ANXA2: variants seen among roughly 807,000 people sequenced by gnomAD.
ANXA2 encodes annexin II.
ANXA2 carries 28 observed loss-of-function variants against 47.3 expected under a neutral mutation model. That is an observed-to-expected ratio of 0.59 (90% CI 0.44 to 0.81). The LOEUF (loss-of-function observed/expected upper bound fraction) is 0.81. Among genes scored for constraint, ANXA2 ranks in the 40% least tolerant of loss-of-function variants. The pLI, the probability that ANXA2 is intolerant of heterozygous loss-of-function variation, is 0.00. For synonymous variants in ANXA2, 172 were observed against 155.5 expected, an observed-to-expected ratio of 1.11 and a Z score of -0.79; for missense variants, 384 against 414.3, an observed-to-expected ratio of 0.93 and a Z score of 0.64.
At chr15:60,379,051 C>T (rs748953474) in intron 3 of ANXA2, among the ~76,000 whole-genome samples, 12 of 151,010 alleles carry the variant, frequency 7.9e-5, no homozygotes, top group South Asian at 2.1e-4. Context: ...GAGGCCAAAG[C>T]GGGTGGATCA....
chr15:60,357,184 T>A lies in ANXA2; in HGVS notation c.410A>T (p.Asn137Ile), dbSNP rs138420486. 1.9e-6 allele frequency: 3 copies of A among 1,614,206 alleles called. No individual in the cohort carries two copies. Among genetic ancestry groups the A allele is most frequent in the African/African-American group, 2.7e-5 (2 of 75,060 alleles). The stretch of plus-strand genomic sequence containing the variant: ...TCTGTTAATTTCCTGCAGCTCCTGG[T>A]TGGTTCTGGAGCAGATGATCTCAAT... The part of the protein sequence containing the change: ...SLIEIICSRT[N>I]QELQEINRVY... Residue 137 changes from asparagine (N) to isoleucine (I), a missense_variant, in exon 6 of 13, where the codon AAC (asparagine) becomes ATC (isoleucine). Asn to Ile is a moderately radical substitution (Grantham distance 149). Coordinates refer to ENST00000451270, the MANE Select transcript of ANXA2 (RefSeq NM_004039.3).
At chr15:60,397,891 C>A (rs1304364472) in intron 1 of ANXA2, 52 bp downstream of exon 1, 1 of 1,358,736 alleles carries the variant, frequency 7.4e-7, no homozygotes. Context: ...AGCGTCTCCA[C>A]ACCCCGCTAG....
chr15:60,348,640 G>GA (rs1895839279), intron 12 of ANXA2, among the ~76,000 whole-genome samples: 1 of 151,444 alleles, frequency 6.6e-6, no homozygotes, highest in African/African-American at 2.4e-5. Context: ...AGCTACTTGG[G>GA]AGGCTGAGGC....
chr15:60,382,266 T>C lies in ANXA2; in HGVS notation c.148+76A>G, dbSNP rs2062871968. On this transcript the variant is annotated intron_variant, in intron 3 of 12. Transcript: ENST00000451270. Reference sequence around the variant, plus strand: ...ATTTCAAATCGCCAACGTATGGCGATTTGAGGGAGAATAAAGAGACAACCA... The same window carrying C: ...ATTTCAAATCGCCAACGTATGGCGACTTGAGGGAGAATAAAGAGACAACCA... 12 of 1,146,914 alleles carry C rather than the reference T, an allele frequency of 1.0e-5. No individual in the cohort carries two copies. The East Asian group carries it at 2.8e-4, about 27-fold the overall frequency. The allele number at this position is 1,146,914 out of a possible 1,614,324, so 71.0% of individuals were successfully genotyped here. A position where few individuals can be genotyped will look rare whatever the true frequency, so the allele number is the denominator to read the frequency against.
intron 1 of ANXA2, chr15:60,396,113 A>T (rs2063076923): frequency 6.6e-6 from 1 of 152,054 alleles, no homozygotes; most frequent in Admixed American, 6.6e-5. Context: ...ATTATTATGT[A>T]TTTATTTTTT....
At chr15:60,375,567 TTAAG>T (rs2062765095) in intron 3 of ANXA2, among the ~76,000 whole-genome samples, 1 of 152,244 alleles carries the variant, frequency 6.6e-6, no homozygotes, top group African/African-American at 2.4e-5. Flanking sequence ...CTCCTACAGA[TTAAG>T]TCTCAGCAAC....
At chr15:60,393,750 G>A (rs954034959) in intron 1 of ANXA2, 5 of 914,332 alleles carry the variant, frequency 5.5e-6, no homozygotes, top group Non-Finnish European at 6.5e-6. Context: ...CAACATTAGA[G>A]TTACATGTGT....
intron 4 of ANXA2, among the ~76,000 whole-genome samples, chr15:60,362,318 CTTCTA>C (rs2062526942): frequency 6.6e-6 from 1 of 152,220 alleles, no homozygotes; most frequent in African/African-American, 2.4e-5. Context: ...ACTTCTTCCA[CTTCTA>C]TTCTAAACTC....
intron 3 of ANXA2, among the ~76,000 whole-genome samples, chr15:60,376,345 A>C (rs933100884): frequency 6.6e-6 from 1 of 151,446 alleles, no homozygotes. Context: ...TGTGCATTGC[A>C]CTCCAGCCTG....
intron 1 of ANXA2, among the ~76,000 whole-genome samples, chr15:60,391,897 GAAAAAAA>G (rs10552250): frequency 2.0e-5 from 3 of 148,204 alleles, no homozygotes; most frequent in African/African-American, 7.5e-5. Flanking sequence ...TCTCCAACAA[GAAAAAAA>G]AAAAAAAATC....
intron 1 of ANXA2, chr15:60,392,942 TAAAAAAAAA>T: frequency 3.2e-6 from 3 of 926,674 alleles, no homozygotes; most frequent in Non-Finnish European, 2.7e-6. Context: ...AATTTTAAAC[TAAAAAAAAA>T]AAAAAAAAAA....
rs549842181 is a variant in ANXA2 at position 60,377,998 on chromosome 15, G to A, written c.148+4344C>T. On this transcript the variant is annotated intron_variant, in intron 3 of 12. Transcript: ENST00000451270. ...AGCTACTCAAGAGGCTGAAACAGGA[G>A]AATTGCTTGAACCCAGGAGGGTTCT... Among the ~76,000 whole-genome samples, 8 of 152,240 alleles carry A rather than the reference G, an allele frequency of 5.3e-5. No homozygotes were observed. The South Asian group carries it at 1.5e-3, about 28-fold the overall frequency.
chr15:60,391,563 T>G (rs1595711351), intron 1 of ANXA2, among the ~76,000 whole-genome samples: 1 of 152,326 alleles, frequency 6.6e-6, no homozygotes, highest in East Asian at 1.9e-4. Context: ...GGGGAACCTA[T>G]GAGCCAAAAT....
At chr15:60,363,582 G>A (rs990649592) in intron 4 of ANXA2, among the ~76,000 whole-genome samples, 2 of 152,146 alleles carry the variant, frequency 1.3e-5, no homozygotes, top group East Asian at 1.9e-4. Context: ...AAAGCAGCAC[G>A]TCCTTAAAAA....
At chr15:60,373,330 C>T (rs1451569708) in intron 3 of ANXA2, among the ~76,000 whole-genome samples, 1 of 152,208 alleles carries the variant, frequency 6.6e-6, no homozygotes. Context: ...AGACTCTCTT[C>T]TGAGGAGAGA....
At chr15:60,372,309 T>C (rs189200125) in intron 3 of ANXA2, among the ~76,000 whole-genome samples, 99 of 152,248 alleles carry the variant, frequency 6.5e-4, no homozygotes, top group Middle Eastern at 3.4e-3. Flanking sequence ...CCAATGCTCA[T>C]AGAAGGCAGA....
chr15:60,353,678 C>A (rs1313424772), intron 8 of ANXA2, among the ~76,000 whole-genome samples: 2 of 152,264 alleles, frequency 1.3e-5, no homozygotes, highest in East Asian at 3.9e-4. Context: ...CAGTGACTCA[C>A]TTTTAATGAA....
At chr15:60,372,692 C>CT (rs574095449) in intron 3 of ANXA2, among the ~76,000 whole-genome samples, 3,046 of 132,742 alleles carry the variant, frequency 0.023, 87 homozygotes, top group African/African-American at 0.063. Flanking sequence ...ACAATCTTTC[C>CT]TTTTTTTTTT....
chr15:60,353,398 C>A (rs1362818322), intron 8 of ANXA2, among the ~76,000 whole-genome samples: 1 of 152,222 alleles, frequency 6.6e-6, no homozygotes, highest in Non-Finnish European at 1.5e-5. Context: ...GTCTCCTCCA[C>A]CTTCTTCTGC....
Sources: allele counts gnomAD v4.1 joint callset (sites outside exome capture counted in the v4.1 genomes callset), GRCh38; gene constraint gnomAD v4.1.1; transcripts MANE v1.5; gene names NCBI Gene and HGNC (gene_info 2026-07-23, HGNC 2026-07-21).